ACTR3: variants seen among roughly 807,000 people sequenced by gnomAD.
The protein encoded by ACTR3 is actin-related protein 3.
A neutral mutation model predicts 56.8 loss-of-function variants in ACTR3; 12 were observed. The observed-to-expected ratio is 0.21, with a 90% CI of 0.14 to 0.34. ACTR3 has a LOEUF of 0.34. Ranked by LOEUF, ACTR3 falls within the 10% of genes least tolerant of loss-of-function variation. The pLI, the probability that ACTR3 is intolerant of heterozygous loss-of-function variation, is 1.00. For missense variants in ACTR3, 282 were observed against 512.5 expected, an observed-to-expected ratio of 0.55 and a Z score of 4.34; for synonymous variants, 162 against 167.4, an observed-to-expected ratio of 0.97 and a Z score of 0.25.
chr2:113,946,897 C>G (rs1680032741), intron 8 of ACTR3, among the ~76,000 whole-genome samples: 2 of 152,168 alleles, frequency 1.3e-5, no homozygotes, highest in African/African-American at 4.8e-5. Context: ...GGGTCTCATT[C>G]TATATAGAGG....
intron 1 of ACTR3, among the ~76,000 whole-genome samples, chr2:113,907,296 G>A (rs948010166): frequency 6.6e-6 from 1 of 152,050 alleles, no homozygotes; most frequent in African/African-American, 2.4e-5. Flanking sequence ...TTTAAAGACG[G>A]GGTCTTGCTC....
intron 1 of ACTR3, among the ~76,000 whole-genome samples, chr2:113,896,344 T>C (rs541732386): frequency 3.9e-5 from 6 of 152,338 alleles, no homozygotes; most frequent in African/African-American, 1.4e-4. Context: ...CTGCAGGCCT[T>C]GGCCTGCCTA....
intron 7 of ACTR3, 146 bp downstream of exon 7, chr2:113,940,248 TTC>T (rs1679900118): frequency 1.7e-6 from 1 of 598,128 alleles, no homozygotes; most frequent in Non-Finnish European, 2.5e-6. Flanking sequence ...TATTTACATT[TTC>T]TTTGTGTTTC....
chr2:113,957,311 A>C (rs1680233912), intron 11 of ACTR3, 49 bp from the exon 12 acceptor site: 1 of 1,343,104 alleles, frequency 7.4e-7, no homozygotes, highest in Non-Finnish European at 1.1e-6. Flanking sequence ...TATACCTTCA[A>C]GATGGTAGAT....
At chr2:113,913,816 T>G (rs1679353390) in intron 2 of ACTR3, among the ~76,000 whole-genome samples, 1 of 152,228 alleles carries the variant, frequency 6.6e-6, no homozygotes, top group Non-Finnish European at 1.5e-5. Context: ...CTTTCAGTAG[T>G]TTTTAAAAAA....
intron 4 of ACTR3, among the ~76,000 whole-genome samples, chr2:113,928,752 A>G (rs1415071650): frequency 6.6e-6 from 1 of 152,078 alleles, no homozygotes; most frequent in Non-Finnish European, 1.5e-5. Flanking sequence ...GACCTGCAGG[A>G]TGCATGATGT....
chr2:113,901,086 G>A (rs1257610896), intron 1 of ACTR3, among the ~76,000 whole-genome samples: 1 of 152,212 alleles, frequency 6.6e-6, no homozygotes, highest in Non-Finnish European at 1.5e-5. Flanking sequence ...TTGGGAGGCC[G>A]AGGCCGCAGA....
chr2:113,951,882 T>C (rs1680127054), intron 10 of ACTR3, 37 bp downstream of exon 10: 1 of 1,607,544 alleles, frequency 6.2e-7, no homozygotes, highest in Non-Finnish European at 8.5e-7. Flanking sequence ...AGGTTGAGGG[T>C]GCCTTCCTTG....
At chr2:113,917,514 G>A (rs900877865) in intron 3 of ACTR3, among the ~76,000 whole-genome samples, 1 of 152,028 alleles carries the variant, frequency 6.6e-6, no homozygotes, top group Admixed American at 6.6e-5. Context: ...AATCATAACA[G>A]GTAAAGAAAC....
chr2:113,890,546 C>T, intron 1 of ACTR3: 1 of 1,375,462 alleles, frequency 7.3e-7, no homozygotes, highest in Non-Finnish European at 9.4e-7. Context: ...GAGATTCAAC[C>T]CCCAACCCTC....
At chr2:113,895,705 C>T (rs1385083755) in intron 1 of ACTR3, among the ~76,000 whole-genome samples, 2 of 152,062 alleles carry the variant, frequency 1.3e-5, no homozygotes, top group African/African-American at 2.4e-5. Context: ...AGTTATATTT[C>T]GTGTTATTTT....
chr2:113,937,465 G>T (rs927719253), intron 6 of ACTR3, among the ~76,000 whole-genome samples: 26 of 152,104 alleles, frequency 1.7e-4, no homozygotes, highest in African/African-American at 6.3e-4. Context: ...CTTTGTGAAG[G>T]TCCAGATTTC....
chr2:113,936,634 C>T (rs1483540253), intron 6 of ACTR3, among the ~76,000 whole-genome samples: 1 of 152,126 alleles, frequency 6.6e-6, no homozygotes, highest in African/African-American at 2.4e-5. Flanking sequence ...CTCAATAATA[C>T]ATTGTTAACT....
chr2:113,890,526 G>T (rs891294189), intron 1 of ACTR3: 15 of 1,357,930 alleles, frequency 1.1e-5, no homozygotes, highest in African/African-American at 1.5e-5. Flanking sequence ...TGGGGCGGGG[G>T]CGCGGGCCCG....
rs531490052 is a variant in ACTR3, at chr2:113,914,243, A to G, written c.100+1016A>G. Reference sequence around the variant, plus strand: ...ACTGGATCTTTAGTATCACTTGAGCACTCATTGGACACAAGAGGTCAACTG... The same window carrying G: ...ACTGGATCTTTAGTATCACTTGAGCGCTCATTGGACACAAGAGGTCAACTG... On this transcript the variant is annotated intron_variant, in intron 2 of 11. Transcript: ENST00000263238. 1.6e-4 allele frequency among the ~76,000 whole-genome samples: 25 copies of G among 152,282 alleles called. No homozygotes were observed. The South Asian group carries it at 4.8e-3, about 29-fold the overall frequency.
chr2:113,955,396 A>G (rs1296464875), intron 10 of ACTR3: 1 of 382,646 alleles, frequency 2.6e-6, no homozygotes, highest in Non-Finnish European at 4.7e-6. Context: ...ACATGTGCTC[A>G]TTGTTATTTC....
chr2:113,894,057 G>A (rs984900984), intron 1 of ACTR3, among the ~76,000 whole-genome samples: 1 of 151,940 alleles, frequency 6.6e-6, no homozygotes, highest in Non-Finnish European at 1.5e-5. Flanking sequence ...TTTCTTCCAT[G>A]AATTCTGTGC....
intron 6 of ACTR3, among the ~76,000 whole-genome samples, chr2:113,937,446 T>A (rs1206116462): frequency 2.0e-5 from 3 of 152,206 alleles, no homozygotes; most frequent in Non-Finnish European, 4.4e-5. Flanking sequence ...TATCTAGTGC[T>A]CTCTATTCCT....
intron 3 of ACTR3, among the ~76,000 whole-genome samples, chr2:113,919,591 A>C (rs543700605): frequency 6.6e-6 from 1 of 152,262 alleles, no homozygotes; most frequent in Admixed American, 6.5e-5. Flanking sequence ...TTGACAAGGA[A>C]AAAGTGGATA....
Sources: gnomAD v4.1 joint callset for allele counts (sites outside exome capture counted in the v4.1 genomes callset) on GRCh38, gnomAD v4.1.1 for gene constraint, MANE v1.5 for transcripts, NCBI Gene and HGNC (gene_info 2026-07-23, HGNC 2026-07-21) for gene names.